Variants in CTIF observed in about 807,000 individuals in gnomAD.
The protein encoded by CTIF is CBP80/20-dependent translation initiation factor.
In CTIF, 21 loss-of-function variants were observed where a neutral mutation model predicts 66.0. The observed-to-expected ratio is 0.32, with a 90% CI of 0.23 to 0.46. CTIF has a LOEUF of 0.46. Ranked by LOEUF, CTIF falls within the 20% of genes least tolerant of loss-of-function variation. CTIF has a pLI of 1.00. For missense variants in CTIF, 739 were observed against 812.7 expected (o/e 0.91, Z 1.10); for synonymous variants, 345 against 326.4 (o/e 1.06, Z -0.62).
At chr18:48,641,323 G>A (rs367548638) in intron 3 of CTIF, among the ~76,000 whole-genome samples, 4 of 152,242 alleles carry the variant, frequency 2.6e-5, no homozygotes, top group African/African-American at 9.6e-5. Flanking sequence ...CACCACAACA[G>A]CACAGCCTCT....
intron 7 of CTIF, among the ~76,000 whole-genome samples, chr18:48,718,481 G>C (rs571300184): frequency 1.2e-4 from 18 of 152,312 alleles, no homozygotes; most frequent in African/African-American, 4.3e-4. Context: ...AGAAACAGGA[G>C]CATGTATGAG....
intron 6 of CTIF, among the ~76,000 whole-genome samples, chr18:48,703,635 T>C (rs2092113083): frequency 6.6e-6 from 1 of 152,200 alleles, no homozygotes; most frequent in Non-Finnish European, 1.5e-5. Flanking sequence ...ATCATGAGAC[T>C]GTCAGGAAGA....
chr18:48,691,004 A>G (rs1056308912), intron 6 of CTIF, among the ~76,000 whole-genome samples: 2 of 152,154 alleles, frequency 1.3e-5, no homozygotes, highest in African/African-American at 2.4e-5. Flanking sequence ...CACCACGAGC[A>G]TGGTGCACGT....
chr18:48,676,990 G>A (rs1220098120), intron 6 of CTIF, among the ~76,000 whole-genome samples: 1 of 152,098 alleles, frequency 6.6e-6, no homozygotes, highest in Admixed American at 6.5e-5. Context: ...AGTAATGGGG[G>A]TCCTGGGCGG....
chr18:48,783,603 G>C (rs1911445821), intron 9 of CTIF, among the ~76,000 whole-genome samples: 1 of 152,058 alleles, frequency 6.6e-6, no homozygotes, highest in South Asian at 2.1e-4. Context: ...TCCGACCCTG[G>C]GGCTGCATGC....
intron 10 of CTIF, among the ~76,000 whole-genome samples, chr18:48,854,209 G>A (rs1286915159): frequency 6.6e-6 from 1 of 152,090 alleles, no homozygotes; most frequent in South Asian, 2.1e-4. Flanking sequence ...GCATGGGGGG[G>A]AAAGCAGGAG....
At chr18:48,618,722 G>A (rs1330092386) in intron 1 of CTIF, among the ~76,000 whole-genome samples, 1 of 152,214 alleles carries the variant, frequency 6.6e-6, no homozygotes, top group Non-Finnish European at 1.5e-5. Context: ...CAGCTCCAGA[G>A]ATTGCAGTTC....
chr18:48,698,464 C>G (rs1199448792), intron 6 of CTIF, among the ~76,000 whole-genome samples: 1 of 152,178 alleles, frequency 6.6e-6, no homozygotes, highest in South Asian at 2.1e-4. Context: ...TCTCCTACCT[C>G]GGCCTCCCAA....
intron 2 of CTIF, among the ~76,000 whole-genome samples, chr18:48,623,225 G>C (rs922700391): frequency 2.6e-5 from 4 of 152,200 alleles, no homozygotes; most frequent in Non-Finnish European, 5.9e-5. Flanking sequence ...TGTGACATTT[G>C]GATGCATTCT....
chr18:48,623,346 T>A (rs1184957522), intron 2 of CTIF, among the ~76,000 whole-genome samples: 1 of 152,236 alleles, frequency 6.6e-6, no homozygotes. Context: ...GTTTCAATCC[T>A]GCCCCTACCG....
chr18:48,578,700 C>A (rs115775258), intron 1 of CTIF, among the ~76,000 whole-genome samples: 1 of 152,204 alleles, frequency 6.6e-6, no homozygotes, highest in East Asian at 1.9e-4. Context: ...GGTTATTTGT[C>A]TTTTTATTGT....
chr18:48,698,928 A>G (rs1049530850), intron 6 of CTIF, among the ~76,000 whole-genome samples: 3 of 152,180 alleles, frequency 2.0e-5, no homozygotes, highest in African/African-American at 7.2e-5. Flanking sequence ...AGCCGCTGGC[A>G]CCACATAAGC....
At chr18:48,710,275 A>G (rs138047285) in intron 6 of CTIF, among the ~76,000 whole-genome samples, 24 of 152,312 alleles carry the variant, frequency 1.6e-4, no homozygotes, top group African/African-American at 5.1e-4. Flanking sequence ...GTGGGCCAGA[A>G]TAGACCCCCT....
chr18:48,786,957 C>T (rs896805536), intron 9 of CTIF, among the ~76,000 whole-genome samples: 24 of 151,982 alleles, frequency 1.6e-4, no homozygotes, highest in African/African-American at 5.8e-4. Flanking sequence ...CAGTAAATCT[C>T]CCTTCCCCTA....
chr18:48,672,277 A>G (rs1237427147), intron 6 of CTIF, among the ~76,000 whole-genome samples: 1 of 151,730 alleles, frequency 6.6e-6, no homozygotes, highest in Non-Finnish European at 1.5e-5. Context: ...TGGCTGGTTC[A>G]CTCGTCTGGC....
chr18:48,819,221 C>T (rs2068431550), intron 10 of CTIF, among the ~76,000 whole-genome samples: 1 of 152,248 alleles, frequency 6.6e-6, no homozygotes, highest in East Asian at 1.9e-4. Context: ...TTGTTTCACT[C>T]TCAAAGTGCC....
intron 1 of CTIF, among the ~76,000 whole-genome samples, chr18:48,612,190 G>A (rs1196228334): frequency 1.3e-5 from 2 of 152,206 alleles, no homozygotes; most frequent in Non-Finnish European, 2.9e-5. Flanking sequence ...GCAGACTGTC[G>A]GGGAAGTACA....
intron 5 of CTIF, among the ~76,000 whole-genome samples, chr18:48,669,114 C>A (rs769443947): frequency 3.3e-5 from 5 of 152,094 alleles, no homozygotes; most frequent in Admixed American, 6.5e-5. Flanking sequence ...AGTGGTGCTC[C>A]GGCACCCAGC....
chr18:48,771,596 G>A (rs992729883), intron 9 of CTIF, among the ~76,000 whole-genome samples: 6 of 152,192 alleles, frequency 3.9e-5, no homozygotes, highest in African/African-American at 1.4e-4. Flanking sequence ...TCCCCTGATA[G>A]AACTTGGCCG....
Sources: allele counts gnomAD v4.1 joint callset (sites outside exome capture counted in the v4.1 genomes callset), GRCh38; gene constraint gnomAD v4.1.1; transcripts MANE v1.5; gene names NCBI Gene and HGNC (gene_info 2026-07-23, HGNC 2026-07-21).